TMEM132C: variants seen among roughly 807,000 people sequenced by gnomAD.
TMEM132C encodes the protein protein phosphatase 1, regulatory subunit 152.
Under a neutral mutation model 61.4 loss-of-function variants are expected in TMEM132C, and 29 were observed. That is an observed-to-expected ratio of 0.47 (90% CI 0.35 to 0.64). TMEM132C has a LOEUF of 0.64. Among genes scored for constraint, TMEM132C ranks in the 30% least tolerant of loss-of-function variants. TMEM132C has a pLI of 0.00. For synonymous variants in TMEM132C, 656 were observed against 633.1 expected (o/e 1.04, Z -0.54); for missense variants, 1,408 against 1,476.9 (o/e 0.95, Z 0.76).
intron 1 of TMEM132C, among the ~76,000 whole-genome samples, chr12:128,309,159 G>A (rs1402431700): frequency 2.0e-5 from 3 of 152,182 alleles, no homozygotes; most frequent in Non-Finnish European, 2.9e-5. Context: ...AGGCAGGGGT[G>A]GATGGAAAGG....
At chr12:128,700,862 T>C (rs1359661477) in intron 8 of TMEM132C, among the ~76,000 whole-genome samples, 3 of 152,244 alleles carry the variant, frequency 2.0e-5, no homozygotes, top group African/African-American at 7.2e-5. Flanking sequence ...CCATCTCTTC[T>C]GTCTTAGTTT....
intron 1 of TMEM132C, among the ~76,000 whole-genome samples, chr12:128,383,006 G>A (rs937525485): frequency 6.6e-6 from 1 of 152,028 alleles, no homozygotes; most frequent in African/African-American, 2.4e-5. Context: ...ATCTGTGAGT[G>A]CGTCTGTGTA....
intron 2 of TMEM132C, among the ~76,000 whole-genome samples, chr12:128,473,124 C>T (rs113349708): frequency 0.034 from 4,070 of 120,144 alleles, 144 homozygotes; most frequent in African/African-American, 0.11. Context: ...TCACTCCAGC[C>T]TCCATCTTCA....
intron 4 of TMEM132C, among the ~76,000 whole-genome samples, chr12:128,622,360 A>AAAAAAAAAATATAT (rs1277080166): frequency 2.3e-4 from 7 of 30,100 alleles, no homozygotes; most frequent in African/African-American, 1.2e-3. Context: ...AAAAAAAAAA[A>AAAAAAAAAATATAT]ATATATATAT....
At chr12:128,631,585 A>G (rs1954065560) in intron 4 of TMEM132C, among the ~76,000 whole-genome samples, 1 of 152,212 alleles carries the variant, frequency 6.6e-6, no homozygotes, top group South Asian at 2.1e-4. Context: ...CTGGTGTTTC[A>G]TCAGCACAAT....
chr12:128,507,713 C>A (rs1872423330), intron 2 of TMEM132C, among the ~76,000 whole-genome samples: 1 of 152,152 alleles, frequency 6.6e-6, no homozygotes, highest in South Asian at 2.1e-4. Flanking sequence ...CCACTCTTCA[C>A]TGACAAATTT....
At chr12:128,622,670 G>T (rs1182656131) in intron 4 of TMEM132C, among the ~76,000 whole-genome samples, 1 of 151,940 alleles carries the variant, frequency 6.6e-6, no homozygotes, top group South Asian at 2.1e-4. Flanking sequence ...CTCTGCTCTG[G>T]GGTCCGTGGG....
chr12:128,309,822 G>A lies in TMEM132C; in HGVS notation c.85+42335G>A, dbSNP rs541608906. On this transcript the variant is annotated intron_variant, in intron 1 of 8. Coordinates refer to ENST00000435159, the MANE Select transcript of TMEM132C (RefSeq NM_001136103.3). ...GTCTCGACTCACTGTAGCCTCCTCC[G>A]CCTCATGGCTTCAAGCGATTCCCCT... Among the ~76,000 whole-genome samples, 20 of 150,566 alleles carry A rather than the reference G, an allele frequency of 1.3e-4. No individual in the cohort carries two copies. In the South Asian group the frequency reaches 2.5e-3, roughly 19 times the overall value.
At chr12:128,532,944 G>T (rs1249220988) in intron 2 of TMEM132C, among the ~76,000 whole-genome samples, 1 of 152,144 alleles carries the variant, frequency 6.6e-6, no homozygotes, top group East Asian at 1.9e-4. Flanking sequence ...TCCTCTGAAG[G>T]CCTTTGGAAT....
At chr12:128,489,562 C>CATATATATATATATATATATATATATAT (rs10654008) in intron 2 of TMEM132C, among the ~76,000 whole-genome samples, 4 of 138,358 alleles carry the variant, frequency 2.9e-5, no homozygotes, top group Non-Finnish European at 6.2e-5. Context: ...TTTATATGCT[C>CATATATATATATATATATATATATATAT]ATATATATAT....
intron 4 of TMEM132C, among the ~76,000 whole-genome samples, chr12:128,656,438 G>A (rs1452158427): frequency 6.6e-6 from 1 of 152,162 alleles, no homozygotes; most frequent in Non-Finnish European, 1.5e-5. Context: ...CCCAGTAGCA[G>A]GAAGGGAAAA....
chr12:128,316,628 T>A (rs1180535331), intron 1 of TMEM132C, among the ~76,000 whole-genome samples: 1 of 152,132 alleles, frequency 6.6e-6, no homozygotes, highest in African/African-American at 2.4e-5. Flanking sequence ...CAACTTAAAA[T>A]TACGCCTATT....
chr12:128,317,312 T>G (rs138765892), intron 1 of TMEM132C, among the ~76,000 whole-genome samples: 4 of 152,316 alleles, frequency 2.6e-5, no homozygotes, highest in African/African-American at 9.6e-5. Context: ...AGACGTTCAG[T>G]AAACTCAGCT....
rs1246703430 is a variant in TMEM132C at position 128,630,281 on chromosome 12, G to T, written c.1305+13946G>T. 6.6e-6 allele frequency among the ~76,000 whole-genome samples: 1 copy of T among 152,116 alleles called. No individual in the cohort carries two copies. The highest frequency in any genetic ancestry group is 1.5e-5 in the Non-Finnish European group (1 of 68,018). On this transcript the variant is annotated intron_variant, in intron 4 of 8. Transcript: ENST00000435159. This position sits in a 1 kb window ranked among gnomAD's most constrained non-coding sequence, Gnocchi z 4.3. ...GTTGCCACACTGACGGCCCATGAGGGTCACTAGGGGGCAGGGGCTGGAGCT... is the reference window on the plus strand; with the variant it reads ...GTTGCCACACTGACGGCCCATGAGGTTCACTAGGGGGCAGGGGCTGGAGCT...
intron 2 of TMEM132C, among the ~76,000 whole-genome samples, chr12:128,486,018 CA>C (rs1420419840): frequency 2.0e-5 from 3 of 152,154 alleles, no homozygotes; most frequent in Admixed American, 6.5e-5. Flanking sequence ...GATTTCCATT[CA>C]TATTTAGGAG....
In TMEM132C at chr12:128,706,850, A is replaced by T. The variant is rs1221994082; in HGVS notation, c.*555A>T. 6.6e-6 allele frequency: 1 copy of T among 152,116 alleles called. No individual in the cohort carries two copies. Among genetic ancestry groups the T allele is most frequent in the Non-Finnish European group, 1.5e-5 (1 of 68,038 alleles). 9.4% of individuals were successfully genotyped at this position (152,116 alleles called of 1,614,324 possible). On this transcript the variant is annotated 3_prime_UTR_variant, in exon 9 of 9. Coordinates refer to ENST00000435159, the MANE Select transcript of TMEM132C (RefSeq NM_001136103.3). ...GGGAGTTTTAAATCTTTACTTGATC[A>T]TCTTTTATTTTCTTTTCCACTTTTT...
At chr12:128,480,292 G>T (rs547318503) in intron 2 of TMEM132C, among the ~76,000 whole-genome samples, 6 of 152,306 alleles carry the variant, frequency 3.9e-5, no homozygotes, top group African/African-American at 1.4e-4. Flanking sequence ...TTCATGGACA[G>T]TCGGGCCCAG....
chr12:128,366,518 G>A (rs970509186), intron 1 of TMEM132C, among the ~76,000 whole-genome samples: 8 of 152,250 alleles, frequency 5.3e-5, no homozygotes, highest in East Asian at 3.9e-4. Context: ...CTGGATCTCC[G>A]GTGGCCATCT....
At chr12:128,319,217 C>T (rs1565899949) in intron 1 of TMEM132C, among the ~76,000 whole-genome samples, 1 of 152,178 alleles carries the variant, frequency 6.6e-6, no homozygotes, top group Admixed American at 6.5e-5. Flanking sequence ...ACAAGAAAGA[C>T]ATTAGGATGA....
Sources: gnomAD v4.1 joint callset for allele counts (sites outside exome capture counted in the v4.1 genomes callset) on GRCh38, gnomAD v4.1.1 for gene constraint, Gnocchi (gnomAD v3.1) non-coding constraint, MANE v1.5 for transcripts, NCBI Gene and HGNC (gene_info 2026-07-23, HGNC 2026-07-21) for gene names.